The following DNAJC6 variants were observed in gnomAD, a reference collection of about 807,000 sequenced individuals.
The protein encoded by DNAJC6 is DnaJ heat shock protein family (Hsp40) member C6.
Under a neutral mutation model 110.0 loss-of-function variants are expected in DNAJC6, and 34 were observed. The ratio of observed to expected loss-of-function variants is 0.31; its 90% confidence interval spans 0.24 to 0.41. DNAJC6 has a LOEUF of 0.41. DNAJC6 is among the 10% of genes least tolerant of loss of function. The pLI, the probability that DNAJC6 is intolerant of heterozygous loss-of-function variation, is 1.00. For missense variants in DNAJC6, 1,031 were observed against 1,207.8 expected (o/e 0.85, Z 2.17); for synonymous variants, 406 against 437.2 (o/e 0.93, Z 0.89).
chr1:65,357,183 T>C (rs1459233466), intron 1 of DNAJC6, among the ~76,000 whole-genome samples: 4 of 152,196 alleles, frequency 2.6e-5, no homozygotes, highest in African/African-American at 9.6e-5. Flanking sequence ...GTCAATTTTA[T>C]AGAAGCCAGG....
chr1:65,402,561 T>C (rs1646040468), intron 15 of DNAJC6, among the ~76,000 whole-genome samples: 1 of 152,204 alleles, frequency 6.6e-6, no homozygotes, highest in Non-Finnish European at 1.5e-5. Context: ...TGGACTACTA[T>C]GTTCTGAAAC....
chr1:65,353,869 G>A (rs1645515625), intron 1 of DNAJC6, among the ~76,000 whole-genome samples: 1 of 152,100 alleles, frequency 6.6e-6, no homozygotes, highest in African/African-American at 2.4e-5. Context: ...TGAAAAGCTT[G>A]AGGAGACAGT....
Position 65,392,616 on chromosome 1 carries a change from G to A in DNAJC6, c.1654G>A (p.Glu552Lys). The A allele has an allele frequency of 6.2e-7, 1 of 1,613,952 alleles. No homozygotes were observed. The highest frequency in any genetic ancestry group is 1.3e-5 in the African/African-American group (1 of 75,044). Residue 552 changes from glutamate to lysine, a missense_variant, in exon 12 of 19, where the codon GAG (glutamate) becomes AAG (lysine). Physicochemically the swap from Glu to Lys is moderately conservative, Grantham distance 56 (BLOSUM62 1). Coordinates refer to ENST00000371069, the MANE Select transcript of DNAJC6 (RefSeq NM_001256864.2). ...QQEPAAPPPP[E>K]DVDLLGLEGS... The stretch of plus-strand genomic sequence containing the variant: ...GGAGCCAGCAGCCCCTCCACCCCCT[G>A]AGGATGTGGACCTTTTGGGCCTGGA...
chr1:65,308,514 G>GTTCA (rs537095061), upstream of DNAJC6, among the ~76,000 whole-genome samples: 83 of 152,298 alleles, frequency 5.4e-4, 1 homozygote, highest in South Asian at 6.4e-3. Flanking sequence ...TCCAGGTTTT[G>GTTCA]TTCAGATCCA....
intron 12 of DNAJC6, among the ~76,000 whole-genome samples, chr1:65,394,018 T>C (rs1276888716): frequency 6.6e-6 from 1 of 152,212 alleles, no homozygotes; most frequent in Admixed American, 6.5e-5. Context: ...ATTTCATCTG[T>C]ACTTCACTTC....
chr1:65,410,097 G>C (rs1283164591), intron 17 of DNAJC6, among the ~76,000 whole-genome samples: 1 of 152,150 alleles, frequency 6.6e-6, no homozygotes, highest in African/African-American at 2.4e-5. Context: ...AGATGGAGAG[G>C]TTGAGTTCCT....
chr1:65,351,051 A>G (rs1456286638), intron 1 of DNAJC6, among the ~76,000 whole-genome samples: 1 of 151,582 alleles, frequency 6.6e-6, no homozygotes, highest in Admixed American at 6.6e-5. Context: ...GCCTCTCCCT[A>G]TTTTCTTTTA....
At chr1:65,374,707 A>T (rs1645742608) in intron 4 of DNAJC6, among the ~76,000 whole-genome samples, 1 of 152,142 alleles carries the variant, frequency 6.6e-6, no homozygotes, top group South Asian at 2.1e-4. Flanking sequence ...TTCTAGCCAT[A>T]AGATCATGTT....
intron 1 of DNAJC6, among the ~76,000 whole-genome samples, chr1:65,312,630 G>A (rs182449324): frequency 1.3e-5 from 2 of 152,318 alleles, no homozygotes; most frequent in African/African-American, 2.4e-5. Context: ...TTAAAGCTTA[G>A]TCTTAATAAT....
chr1:65,383,677 T>C (rs1458024294), intron 5 of DNAJC6, among the ~76,000 whole-genome samples: 3 of 152,214 alleles, frequency 2.0e-5, no homozygotes, highest in Non-Finnish European at 4.4e-5. Flanking sequence ...GGGGTTAGGA[T>C]TTCAGCATAT....
intron 1 of DNAJC6, among the ~76,000 whole-genome samples, chr1:65,302,839 T>C (rs1278505895): frequency 6.6e-6 from 1 of 152,182 alleles, no homozygotes; most frequent in Non-Finnish European, 1.5e-5. Context: ...CCGGCCTGTC[T>C]CTTCCTTTCT....
At position 65,380,916 on chromosome 1, in the gene DNAJC6, G is replaced by GTTTTTTTTTTTTTTTTT. The variant is rs796797174; in HGVS notation, c.666+1396_666+1397insTTTTTTTTTTTTTTTTT. The stretch of plus-strand genomic sequence containing the variant: ...TTTTTTTTTTTTTGTTTTTTGTTTT[G>GTTTTTTTTTTTTTTTTT]TTTTGTTTTTTTTTTTTTTTTGGGA... On this transcript the variant is annotated intron_variant, in intron 5 of 18. Transcript: ENST00000371069. 2.8e-4 allele frequency among the ~76,000 whole-genome samples: 26 copies of GTTTTTTTTTTTTTTTTT among 93,520 alleles called. 2 individuals are homozygous for GTTTTTTTTTTTTTTTTT. Among genetic ancestry groups the GTTTTTTTTTTTTTTTTT allele is most frequent in the African/African-American group, 1.5e-3 (23 of 15,048 alleles). The allele number at this position is 93,520 out of a possible 152,430, so 61.4% of individuals were successfully genotyped here.
At position 65,408,794 on chromosome 1, in the gene DNAJC6, C is replaced by T. The variant is rs1295758487; in HGVS notation, c.2634+11C>T. 3.7e-6 allele frequency: 6 copies of T among 1,610,436 alleles called. No homozygotes were observed. The African/African-American group carries it at 8.1e-5, about 22-fold the overall frequency. On this transcript the variant is annotated intron_variant, in intron 17 of 18. Transcript: ENST00000371069. ...CCTGAGAAATTAAAGGTGAGTGAGG[C>T]CCCTGACGCAGCTTGATTATCCTAT...
chr1:65,399,638 C>T (rs1646011416), intron 14 of DNAJC6, among the ~76,000 whole-genome samples: 2 of 152,138 alleles, frequency 1.3e-5, no homozygotes, highest in Non-Finnish European at 2.9e-5. Context: ...ATCCCCAGAA[C>T]GAACCCACCT....
chr1:65,381,038 C>A (rs747179100), intron 5 of DNAJC6, among the ~76,000 whole-genome samples: 5 of 149,846 alleles, frequency 3.3e-5, no homozygotes, highest in Admixed American at 3.3e-4. Flanking sequence ...CCTGCCTCAG[C>A]CTCCCGAGTA....
At chr1:65,347,814 C>A (rs1376632541) in intron 1 of DNAJC6, among the ~76,000 whole-genome samples, 2 of 152,178 alleles carry the variant, frequency 1.3e-5, no homozygotes, top group African/African-American at 4.8e-5. Context: ...GTTCCAAAAT[C>A]TCAGGATTCC....
chr1:65,351,872 C>A (rs976706762), intron 1 of DNAJC6, among the ~76,000 whole-genome samples: 1 of 152,134 alleles, frequency 6.6e-6, no homozygotes, highest in Non-Finnish European at 1.5e-5. Context: ...TCAAGCAATT[C>A]TCCTGCTTCA....
Position 65,312,661 on chromosome 1 carries a change from T to C in DNAJC6, c.193+2723T>C, listed in dbSNP as rs1645111869. On this transcript the variant is annotated intron_variant, in intron 1 of 18. Coordinates refer to ENST00000371069, the MANE Select transcript of DNAJC6 (RefSeq NM_001256864.2). ...ATAATACCTTAAACTTGTAAGACTG[T>C]TTATAATAGAACACTTGGACAATTC... Among the ~76,000 whole-genome samples the C allele has an allele frequency of 2.6e-5, 4 of 152,334 alleles. No individual in the cohort carries two copies. In the South Asian group the frequency reaches 8.3e-4, roughly 32 times the overall value.
rs769518736 is a variant in DNAJC6 at position 65,386,945 on chromosome 1, G to T, written c.1113+16G>T. On this transcript the variant is annotated intron_variant, in intron 8 of 18. Transcript: ENST00000371069. ...ACAGGCTAAGGTATGGTTTTTGGAAGAATCATGGCATAAGTTCATCTGAGT... is the reference window on the plus strand; with the variant it reads ...ACAGGCTAAGGTATGGTTTTTGGAATAATCATGGCATAAGTTCATCTGAGT... 8.8e-6 allele frequency: 14 copies of T among 1,594,642 alleles called. No individual in the cohort carries two copies. The highest frequency in any genetic ancestry group is 1.2e-5 in the Non-Finnish European group (14 of 1,162,444).
Sources: allele counts gnomAD v4.1 joint callset (sites outside exome capture counted in the v4.1 genomes callset), GRCh38; gene constraint gnomAD v4.1.1; transcripts MANE v1.5; gene names NCBI Gene and HGNC (gene_info 2026-07-23, HGNC 2026-07-21).